HFM1: variants seen among roughly 807,000 people sequenced by gnomAD.
The protein encoded by HFM1 is probable ATP-dependent DNA helicase HFM1.
In HFM1, 169 loss-of-function variants were observed where a neutral mutation model predicts 192.1. The observed-to-expected ratio is 0.88, with a 90% CI of 0.78 to 1.00. The LOEUF is 1.00. Among genes scored for constraint, HFM1 ranks in the 50% least tolerant of loss-of-function variants. HFM1 has a pLI of 0.00. For missense variants in HFM1, 1,661 were observed against 1,668.0 expected (o/e 1.00, Z 0.07); for synonymous variants, 525 against 537.8 (o/e 0.98, Z 0.33).
Position 91,313,996 on chromosome 1 carries a change from A to G in HFM1, c.3205T>C (p.Ser1069Pro), listed in dbSNP as rs767200385. ...KKIAVKRALK[S>P]EDLSINLISS... ...ATTAGATTTATGCTAAGATCTTCAG[A>G]TTTAAGAGCTCTTTTCACAGCAATC... Residue 1069 changes from serine (S) to proline (P), a missense_variant, in exon 29 of 39, where the codon TCT becomes CCT. Ser to Pro is a moderately conservative substitution (Grantham distance 74). Coordinates refer to ENST00000370425, the MANE Select transcript of HFM1 (RefSeq NM_001017975.6). 4 of 1,609,858 alleles carry G rather than the reference A, an allele frequency of 2.5e-6. No homozygotes were observed. The highest frequency in any genetic ancestry group is 1.7e-4 in the Middle Eastern group (1 of 6,038).
At chr1:91,312,353 C>A (rs1650593994) in intron 30 of HFM1, among the ~76,000 whole-genome samples, 1 of 152,084 alleles carries the variant, frequency 6.6e-6, no homozygotes, top group Admixed American at 6.5e-5. Flanking sequence ...CTGTGCCCTG[C>A]AAAGCCACAG....
intron 1 of HFM1, among the ~76,000 whole-genome samples, chr1:91,402,079 T>G (rs1286624280): frequency 2.6e-5 from 4 of 152,312 alleles, no homozygotes; most frequent in Non-Finnish European, 4.4e-5. Context: ...ACATTTCTGT[T>G]TCTTCTGTTT....
intron 30 of HFM1, among the ~76,000 whole-genome samples, chr1:91,290,221 G>A (rs1668578190): frequency 1.3e-5 from 2 of 152,088 alleles, no homozygotes; most frequent in African/African-American, 4.8e-5. Flanking sequence ...AAATGTACAT[G>A]GACTAAATGC....
At chr1:91,404,166 T>A (rs1448082827) in intron 1 of HFM1, among the ~76,000 whole-genome samples, 1 of 152,098 alleles carries the variant, frequency 6.6e-6, no homozygotes, top group Non-Finnish European at 1.5e-5. Context: ...CATACAATTG[T>A]CGGAGCCCCA....
chr1:91,364,505 G>T (rs1192057745), intron 13 of HFM1, among the ~76,000 whole-genome samples: 2 of 149,714 alleles, frequency 1.3e-5, no homozygotes, highest in African/African-American at 4.9e-5. Context: ...CTTGCAGATT[G>T]TTCATAGTAG....
intron 35 of HFM1, among the ~76,000 whole-genome samples, chr1:91,266,796 A>G (rs1665811013): frequency 1.3e-5 from 2 of 152,174 alleles, no homozygotes; most frequent in African/African-American, 4.8e-5. Flanking sequence ...AGGGAACAGT[A>G]GTTGTCTGGT....
rs1661259630 is a variant in HFM1, at chr1:91,379,180, A to G, written c.1041T>C (p.Phe347=). The change falls in exon 9 of 39, where the codon TTT becomes TTC. Residue 347 remains phenylalanine (F), a synonymous_variant. Transcript: ENST00000370425. ...APIKALCSQR[F]DDWKEKFGPI... The stretch of plus-strand genomic sequence containing the variant: ...GTCCAAATTTTTCTTTCCAGTCATC[A>G]AAACGCTGACTGCACAAGGCTTTTA... 1 of 1,609,818 alleles carries G rather than the reference A, an allele frequency of 6.2e-7. No individual in the cohort carries two copies. The highest frequency in any genetic ancestry group is 1.7e-5 in the Admixed American group (1 of 59,428).
At chr1:91,286,970 C>T (rs1361851585) in intron 30 of HFM1, among the ~76,000 whole-genome samples, 37 of 146,502 alleles carry the variant, frequency 2.5e-4, no homozygotes, top group Admixed American at 4.1e-4. Context: ...AAAAACGGCG[C>T]ACCACGAGAT....
chr1:91,384,643 A>C (rs374307124), intron 6 of HFM1, among the ~76,000 whole-genome samples: 4 of 152,160 alleles, frequency 2.6e-5, no homozygotes, highest in African/African-American at 7.2e-5. Flanking sequence ...CAATAATACA[A>C]ATCTGACTTC....
At chr1:91,322,160 GC>G (rs972363459) in intron 23 of HFM1, among the ~76,000 whole-genome samples, 3 of 152,138 alleles carry the variant, frequency 2.0e-5, no homozygotes, top group African/African-American at 7.2e-5. Context: ...TGTGGTACAA[GC>G]TACAAATCTG....
intron 13 of HFM1, among the ~76,000 whole-genome samples, chr1:91,369,355 C>T (rs1384772493): frequency 1.3e-5 from 2 of 152,158 alleles, no homozygotes; most frequent in African/African-American, 4.8e-5. Flanking sequence ...GGAAGTAAAG[C>T]ACTCCTCAGC....
intron 29 of HFM1, among the ~76,000 whole-genome samples, 168 bp from the exon 30 acceptor site, chr1:91,313,663 T>A (rs947609108): frequency 2.0e-5 from 3 of 152,018 alleles, no homozygotes; most frequent in African/African-American, 7.2e-5. Context: ...TAAAAAATTA[T>A]ATATTTATCA....
chr1:91,337,237 G>GA (rs1326388551), intron 20 of HFM1, among the ~76,000 whole-genome samples: 1 of 152,090 alleles, frequency 6.6e-6, no homozygotes, highest in Non-Finnish European at 1.5e-5. Flanking sequence ...GTTGAAGCGG[G>GA]AAAAAATTGG....
intron 13 of HFM1, among the ~76,000 whole-genome samples, chr1:91,368,465 T>G (rs572678926): frequency 6.6e-6 from 1 of 152,230 alleles, no homozygotes; most frequent in South Asian, 2.1e-4. Flanking sequence ...AGAAACGAAT[T>G]TTCAACCCAG....
At chr1:91,373,645 G>A (rs1018196778) in intron 13 of HFM1, among the ~76,000 whole-genome samples, 2 of 151,438 alleles carry the variant, frequency 1.3e-5, no homozygotes, top group Non-Finnish European at 2.9e-5. Context: ...AAAGTGTATG[G>A]TACCCCCCGA....
chr1:91,380,031 A>G, intron 8 of HFM1, 73 bp downstream of exon 8: 1 of 694,962 alleles, frequency 1.4e-6, no homozygotes, highest in Non-Finnish European at 2.2e-6. Context: ...CAGAAACTGA[A>G]TTTATTTCTT....
In HFM1 at chr1:91,276,673, T is replaced by G. The variant is rs939210373; in HGVS notation, c.3543A>C (p.Arg1181Ser). The stretch of plus-strand genomic sequence containing the variant: ...GAACAGATGAAACAGCATTCCTGTT[T>G]CTTAAATCAGATAAATATGAAGAAA... ...STISSYLSDL[R>S]NRNAVSSVPP... The change falls in exon 32 of 39, where the codon AGA (arginine) becomes AGC (serine). Residue 1181 changes from arginine to serine, a missense_variant. By Grantham distance (110) the Arg-to-Ser change is moderately radical. Coordinates refer to ENST00000370425, the MANE Select transcript of HFM1 (RefSeq NM_001017975.6). 3.8e-6 allele frequency: 6 copies of G among 1,574,810 alleles called. No individual in the cohort carries two copies. The highest frequency in any genetic ancestry group is 5.1e-6 in the Non-Finnish European group (6 of 1,166,612).
At chr1:91,282,634 G>T (rs1667562917) in intron 30 of HFM1, among the ~76,000 whole-genome samples, 1 of 152,100 alleles carries the variant, frequency 6.6e-6, no homozygotes. Context: ...GCAAATTTGA[G>T]ATTCTAATTC....
intron 2 of HFM1, 122 bp downstream of exon 2, chr1:91,400,890 A>C (rs1394625653): frequency 2.3e-5 from 12 of 528,224 alleles, no homozygotes; most frequent in Non-Finnish European, 4.0e-5. Context: ...TGTAACTGAA[A>C]TATCGTTCTG....
Sources: allele counts gnomAD v4.1 joint callset (sites outside exome capture counted in the v4.1 genomes callset), GRCh38; gene constraint gnomAD v4.1.1; transcripts MANE v1.5; gene names NCBI Gene and HGNC (gene_info 2026-07-23, HGNC 2026-07-21).